The following CFLAR variants were observed in gnomAD, a reference collection of about 807,000 sequenced individuals.
CFLAR encodes CASP8 and FADD like apoptosis regulator, also known as CASP8 and FADD-like apoptosis regulator.
In CFLAR, 14 loss-of-function variants were observed where a neutral mutation model predicts 51.1. The ratio of observed to expected loss-of-function variants is 0.27; its 90% CI spans 0.18 to 0.43. CFLAR has a LOEUF of 0.43. Among genes scored for constraint, CFLAR ranks in the 20% least tolerant of loss-of-function variants. The pLI is 1.00. For synonymous variants in CFLAR, 210 were observed against 211.6 expected (o/e 0.99, Z 0.06); for missense variants, 390 against 566.5 (o/e 0.69, Z 3.16).
At chr2:201,139,219 A>C (rs1045840875) in intron 4 of CFLAR, 21 of 357,060 alleles carry the variant, frequency 5.9e-5, no homozygotes, top group African/African-American at 4.3e-4. Flanking sequence ...TTTGTTAAAC[A>C]GATGCTTGAA....
intron 5 of CFLAR, among the ~76,000 whole-genome samples, chr2:201,142,140 A>G (rs1344977713): frequency 6.6e-6 from 1 of 151,984 alleles, no homozygotes; most frequent in Admixed American, 6.6e-5. Flanking sequence ...GCTGGGCATG[A>G]TGGTGTGCCT....
intron 4 of CFLAR, chr2:201,136,760 C>A: frequency 2.5e-6 from 1 of 396,698 alleles, no homozygotes. Flanking sequence ...AATGACTGAT[C>A]AAAGATCAAA....
In CFLAR at chr2:201,133,116, C is replaced by A. The variant is rs1163812768; in HGVS notation, c.369C>A (p.Gly123=). 4 of 1,612,710 alleles carry A rather than the reference C, an allele frequency of 2.5e-6. No individual in the cohort carries two copies. In the Admixed American group the frequency reaches 6.7e-5, roughly 27 times the overall value. Residue 123 remains glycine, a synonymous_variant, in exon 3 of 10, where the codon GGC becomes GGA. Transcript: ENST00000309955. Reference sequence around the variant, plus strand: ...TCATGAAGGATTACATGGGCCGAGGCAAGATAAGCAAGGAGAAGGTGAGTT... The same window carrying A: ...TCATGAAGGATTACATGGGCCGAGGAAAGATAAGCAAGGAGAAGGTGAGTT... ...IFLMKDYMGR[G]KISKEKSFLD...
intron 1 of CFLAR, among the ~76,000 whole-genome samples, chr2:201,119,875 A>T (rs2048011284): frequency 6.6e-6 from 1 of 151,040 alleles, no homozygotes; most frequent in Admixed American, 6.6e-5. Flanking sequence ...GCGCTCTCAA[A>T]TACAGTCTTT....
intron 6 of CFLAR, chr2:201,148,306 T>C (rs984645771): frequency 1.3e-5 from 2 of 152,142 alleles, no homozygotes; most frequent in African/African-American, 2.4e-5. Context: ...GTGTATCTTT[T>C]TTTAATTTTT....
At chr2:201,156,621 T>G (rs1282972166) in intron 8 of CFLAR, among the ~76,000 whole-genome samples, 1 of 152,194 alleles carries the variant, frequency 6.6e-6, no homozygotes, top group Non-Finnish European at 1.5e-5. Context: ...TTTTTTGGTT[T>G]ATCTGTGAAG....
At chr2:201,117,750 C>CTTTTTT (rs1174973596) in intron 1 of CFLAR, among the ~76,000 whole-genome samples, 3 of 113,888 alleles carry the variant, frequency 2.6e-5, no homozygotes, top group African/African-American at 3.4e-5. Context: ...GCTCCAAGAT[C>CTTTTTT]TTTTTTTTTT....
rs1223960368 is a variant in CFLAR, at chr2:201,167,241, T to TA, written c.*3269dup. Reference sequence around the variant, plus strand: ...GTTATTTTGATGCCATGGTGGCTCATACCTATAATCTGAGTACTTTGGGAG... The same window carrying TA: ...GTTATTTTGATGCCATGGTGGCTCATAACCTATAATCTGAGTACTTTGGGAG... On this transcript the variant is annotated 3_prime_UTR_variant, in exon 10 of 10. Transcript: ENST00000309955. 1.3e-5 allele frequency: 2 copies of TA among 152,164 alleles called. No homozygotes were observed. The highest frequency in any genetic ancestry group is 2.4e-5 in the African/African-American group (1 of 41,422). 9.4% of individuals were successfully genotyped at this position (152,164 alleles called of 1,614,324 possible).
Position 201,149,789 on chromosome 2 carries a change from G to T in CFLAR, c.747G>T (p.Lys249Asn). 1 of 1,613,852 alleles carries T rather than the reference G, an allele frequency of 6.2e-7. No homozygotes were observed. Residue 249 changes from lysine to asparagine, a missense_variant, in exon 8 of 10, where the codon AAG becomes AAT. Physicochemically the swap from Lys to Asn is moderately conservative, Grantham distance 94. Transcript: ENST00000309955. ...IPEERYKMKS[K>N]PLGICLIIDC... The stretch of plus-strand genomic sequence containing the variant: ...AAGAGAGATACAAGATGAAGAGCAA[G>T]CCCCTAGGAATCTGCCTGATAATCG...
At position 201,145,425 on chromosome 2, in the gene CFLAR, C is replaced by T. The variant is rs769477054; in HGVS notation, c.654C>T (p.Gly218=). The change falls in exon 6 of 10, where the codon GGC becomes GGT. Residue 218 remains glycine (G), a synonymous_variant. Transcript: ENST00000309955. ...SKEQRLKEQL[G]AQQEPVKKSI... ...AACAAAGACTTAAGGAACAGCTTGG[C>T]GCTCAACGTAAGACCACCTTTTTTT... The T allele has an allele frequency of 1.2e-5, 19 of 1,600,420 alleles. No individual in the cohort carries two copies. Among genetic ancestry groups the T allele is most frequent in the Middle Eastern group, 1.7e-4 (1 of 6,060 alleles).
chr2:201,129,855 C>CT lies in CFLAR; in HGVS notation c.-10dup, dbSNP rs200933932. On this transcript the variant is annotated 5_prime_UTR_variant, in exon 2 of 10. Transcript: ENST00000309955. Reference sequence around the variant, plus strand: ...CAAGACCCTTGTGAGCTTCCCTAGTCTAAGAGTAGGATGTCTGCTGAAGTC... The same window carrying CT: ...CAAGACCCTTGTGAGCTTCCCTAGTCTTAAGAGTAGGATGTCTGCTGAAGTC... 5.7e-3 allele frequency: 9,213 copies of CT among 1,613,032 alleles called. 449 individuals carry two copies. In the African/African-American group the frequency reaches 0.11, roughly 19 times the overall value.
rs969666343 is a variant in CFLAR, at chr2:201,173,039, T to G, written c.*9066T>G. On this transcript the variant is annotated 3_prime_UTR_variant, in exon 10 of 10. Transcript: ENST00000309955. ...AGCAGTGTATGAGGTTTTTTTTATT[T>G]TTTTGTTTTTGAGACGGAGTCTCAC... 6.6e-6 allele frequency: 1 copy of G among 152,352 alleles called. No individual in the cohort carries two copies. The highest frequency in any genetic ancestry group is 1.5e-5 in the Non-Finnish European group (1 of 68,062). 9.4% of individuals were successfully genotyped at this position (152,352 alleles called of 1,614,324 possible). A position where few individuals can be genotyped will look rare whatever the true frequency, so the allele number is the denominator to read the frequency against.
intron 8 of CFLAR, among the ~76,000 whole-genome samples, chr2:201,158,849 C>T (rs1413373735): frequency 1.4e-5 from 2 of 143,732 alleles, no homozygotes; most frequent in Non-Finnish European, 3.0e-5. Context: ...CATTTGCCCT[C>T]ATCATTATTA....
At chr2:201,119,843 T>G (rs927863266) in intron 1 of CFLAR, among the ~76,000 whole-genome samples, 10 of 151,724 alleles carry the variant, frequency 6.6e-5, no homozygotes, top group Non-Finnish European at 1.5e-4. Context: ...TTTAATGTTT[T>G]TTTTTTTTTT....
chr2:201,160,181 C>G (rs1224891201), intron 8 of CFLAR, among the ~76,000 whole-genome samples: 3 of 152,074 alleles, frequency 2.0e-5, no homozygotes, highest in Non-Finnish European at 1.5e-5. Flanking sequence ...TCAGTCTGTG[C>G]CTGTGGCTGG....
intron 8 of CFLAR, chr2:201,157,959 G>C (rs1305018245): frequency 1.3e-5 from 2 of 152,276 alleles, no homozygotes; most frequent in African/African-American, 2.4e-5. Flanking sequence ...AAGCAATGCT[G>C]TGTCTTGTCT....
At chr2:201,130,187 G>GGGA in intron 2 of CFLAR, 41 bp downstream of exon 2, 4 of 292,392 alleles carry the variant, frequency 1.4e-5, no homozygotes, top group East Asian at 9.3e-5. Context: ...GGGTGGGAGG[G>GGGA]AGTGAAGTGT....
intron 1 of CFLAR, chr2:201,119,191 C>T (rs1478127800): frequency 6.6e-6 from 1 of 152,238 alleles, no homozygotes; most frequent in Non-Finnish European, 1.5e-5. Flanking sequence ...CCAATGCCTC[C>T]TTGCCTTTAA....
At position 201,167,247 on chromosome 2, in the gene CFLAR, T is replaced by C. The variant is rs1943689213; in HGVS notation, c.*3274T>C. The C allele has an allele frequency of 6.6e-6, 1 of 152,126 alleles. No individual in the cohort carries two copies. The highest frequency in any genetic ancestry group is 1.5e-5 in the Non-Finnish European group (1 of 68,038). The allele number at this position is 152,126 out of a possible 1,614,324, so 9.4% of individuals were successfully genotyped here. On this transcript the variant is annotated 3_prime_UTR_variant, in exon 10 of 10. Transcript: ENST00000309955. ...TTGATGCCATGGTGGCTCATACCTA[T>C]AATCTGAGTACTTTGGGAGGCTGAG...
Sources: gnomAD v4.1 joint callset for allele counts (sites outside exome capture counted in the v4.1 genomes callset) on GRCh38, gnomAD v4.1.1 for gene constraint, MANE v1.5 for transcripts, NCBI Gene and HGNC (gene_info 2026-07-23, HGNC 2026-07-21) for gene names.